The following PM20D2 variants were observed in gnomAD, a reference collection of about 807,000 sequenced individuals.
PM20D2 encodes xaa-Arg dipeptidase.
A neutral mutation model predicts 42.9 loss-of-function variants in PM20D2; 33 were observed. The observed-to-expected ratio is 0.77, with a 90% CI of 0.58 to 1.03. The LOEUF (loss-of-function observed/expected upper bound fraction) is 1.03, where lower values mean the gene tolerates loss of function less well. Among genes scored for constraint, PM20D2 ranks in the 50% least tolerant of loss-of-function variants. The pLI is 0.00. For synonymous variants in PM20D2, 250 were observed against 228.2 expected, an observed-to-expected ratio of 1.10 and a Z score of -0.86; for missense variants, 548 against 557.0, an observed-to-expected ratio of 0.98 and a Z score of 0.16.
chr6:89,128,973 C>A, the PM20D2 span, among the ~76,000 whole-genome samples: 1 of 152,072 alleles, frequency 6.6e-6, no homozygotes, highest in Admixed American at 6.6e-5. Context: ...CAAAAGAAAG[C>A]AATCAACAAT....
chr6:89,136,711 A>G, the PM20D2 span, among the ~76,000 whole-genome samples: 3 of 151,146 alleles, frequency 2.0e-5, no homozygotes, highest in Non-Finnish European at 2.9e-5. Context: ...TACACTATAT[A>G]TACCTTTATA....
chr6:89,121,469 G>A, the PM20D2 span, among the ~76,000 whole-genome samples: 1 of 152,042 alleles, frequency 6.6e-6, no homozygotes, highest in South Asian at 2.1e-4. Flanking sequence ...TCTTCCCTTT[G>A]GCAGATTAGG....
At chr6:89,103,556 T>C in the PM20D2 span, among the ~76,000 whole-genome samples, 13 of 152,128 alleles carry the variant, frequency 8.5e-5, no homozygotes, top group African/African-American at 3.1e-4. Context: ...CTCGAACTCC[T>C]GACCTCAGGT....
chr6:89,105,541 G>A, the PM20D2 span: 1 of 1,563,588 alleles, frequency 6.4e-7, no homozygotes, highest in Non-Finnish European at 8.7e-7. Flanking sequence ...ATGACTAGCT[G>A]TTAAGGACAC....
At chr6:89,115,930 C>T in the PM20D2 span, among the ~76,000 whole-genome samples, 20 of 152,084 alleles carry the variant, frequency 1.3e-4, no homozygotes. Context: ...CCACCGCACC[C>T]GGCCACGAAT....
At chr6:89,130,819 C>CTTTTTTTTTTT in the PM20D2 span, among the ~76,000 whole-genome samples, 31 of 24,052 alleles carry the variant, frequency 1.3e-3, 2 homozygotes, top group African/African-American at 2.4e-3. Context: ...GCTTCTTCTT[C>CTTTTTTTTTTT]TTTTTTTTTT....
Position 89,164,483 on chromosome 6 carries a change from G to A in PM20D2, c.*2220G>A, listed in dbSNP as rs998338527. On this transcript the variant is annotated 3_prime_UTR_variant, in exon 7 of 7. Coordinates refer to ENST00000275072, the MANE Select transcript of PM20D2 (RefSeq NM_001010853.3). Reference sequence around the variant, plus strand: ...AGGAAGATTGTTGTAACAGAAGAGTGACAACCAATAGTTTTTTGATCATTA... The same window carrying A: ...AGGAAGATTGTTGTAACAGAAGAGTAACAACCAATAGTTTTTTGATCATTA... 1 of 152,554 alleles carries A rather than the reference G, an allele frequency of 6.6e-6. No individual in the cohort carries two copies. The highest frequency in any genetic ancestry group is 2.1e-4 in the South Asian group (1 of 4,834). The allele number at this position is 152,554 out of a possible 1,614,324, so 9.5% of individuals were successfully genotyped here.
the PM20D2 span, chr6:89,105,714 A>G: frequency 2.5e-6 from 1 of 406,940 alleles, no homozygotes; most frequent in African/African-American, 2.1e-5. Flanking sequence ...CAAATGACCC[A>G]TTATGTTTAG....
the PM20D2 span, among the ~76,000 whole-genome samples, chr6:89,140,473 A>C: frequency 2.1e-5 from 3 of 143,448 alleles, no homozygotes; most frequent in African/African-American, 8.3e-5. Context: ...TACACAGTCG[A>C]GGTGAACACA....
the PM20D2 span, among the ~76,000 whole-genome samples, chr6:89,120,890 T>C: frequency 6.6e-6 from 1 of 152,056 alleles, no homozygotes; most frequent in Non-Finnish European, 1.5e-5. Flanking sequence ...AATAAATAAA[T>C]AAATTTATCT....
Position 89,162,627 on chromosome 6 carries a change from G to A in PM20D2, c.*364G>A, listed in dbSNP as rs1284495946. On this transcript the variant is annotated 3_prime_UTR_variant, in exon 7 of 7. Coordinates refer to ENST00000275072, the MANE Select transcript of PM20D2 (RefSeq NM_001010853.3). ...TTTTTGTAAGCCTTAAATGTTATGT[G>A]TATTTTTAAAAGCTTAAGAGATTTC... The A allele has an allele frequency of 6.1e-6, 1 of 163,924 alleles. No individual in the cohort carries two copies. The highest frequency in any genetic ancestry group is 1.3e-5 in the Non-Finnish European group (1 of 75,772). The allele number at this position is 163,924 out of a possible 1,614,324, so 10.2% of individuals were successfully genotyped here.
Position 89,164,988 on chromosome 6 carries a change from T to TGGTA in PM20D2, c.*2726_*2729dup, listed in dbSNP as rs984019361. 2.0e-5 allele frequency: 3 copies of TGGTA among 148,394 alleles called. No homozygotes were observed. The highest frequency in any genetic ancestry group is 7.5e-5 in the African/African-American group (3 of 40,074). 9.2% of individuals were successfully genotyped at this position (148,394 alleles called of 1,614,324 possible). ...CATGCCCCAGAAAGCTTGTGGTGGG[T>TGGTA]GGTAAGTTCTCACGAGATTTATTTA... is the stretch of plus-strand genomic sequence containing the variant. On this transcript the variant is annotated 3_prime_UTR_variant, in exon 7 of 7. Coordinates refer to ENST00000275072, the MANE Select transcript of PM20D2 (RefSeq NM_001010853.3).
chr6:89,107,010 T>C, the PM20D2 span: 1 of 867,994 alleles, frequency 1.2e-6, no homozygotes, highest in Non-Finnish European at 1.9e-6. Context: ...CCAGCTACTG[T>C]GGACTGCTTT....
chr6:89,124,115 C>G, the PM20D2 span, among the ~76,000 whole-genome samples: 1 of 152,184 alleles, frequency 6.6e-6, no homozygotes, highest in South Asian at 2.1e-4. Context: ...AGCCTGCTCT[C>G]TCTTATAAAA....
the PM20D2 span, among the ~76,000 whole-genome samples, chr6:89,101,154 T>G: frequency 1.3e-5 from 2 of 148,598 alleles, no homozygotes; most frequent in South Asian, 4.3e-4. Context: ...AAAAGATCAT[T>G]AGAAAAACAT....
At chr6:89,125,349 A>C in the PM20D2 span, among the ~76,000 whole-genome samples, 2 of 152,044 alleles carry the variant, frequency 1.3e-5, no homozygotes, top group African/African-American at 4.8e-5. Context: ...GTGTGGTGGC[A>C]GGCGCCTGTA....
chr6:89,139,245 T>C, the PM20D2 span, among the ~76,000 whole-genome samples: 1 of 11,142 alleles, frequency 9.0e-5, no homozygotes, highest in Admixed American at 6.1e-4. Context: ...GTTTTTAAAT[T>C]TTTTTTGTGT....
the PM20D2 span, among the ~76,000 whole-genome samples, chr6:89,108,154 T>C: frequency 1.2e-4 from 19 of 152,190 alleles, no homozygotes; most frequent in Non-Finnish European, 2.4e-4. Flanking sequence ...TCTAGTGCGA[T>C]TAGGTGCTTC....
In PM20D2 at chr6:89,146,434, G is replaced by A; in HGVS notation, c.290G>A (p.Arg97Gln). The change falls in exon 1 of 7, where the codon CGG becomes CAG. Residue 97 changes from arginine to glutamine, a missense_variant. Physicochemically the swap from Arg to Gln is conservative, Grantham distance 43. This residue lies in a region of PM20D2 where 470 missense variants were observed against 464.4 expected (regional missense o/e 1.01). Transcript: ENST00000275072. ...GCCGAGTGGGAGCCGCCGGAGGCCCGGGCACCGAGCGCCACGCCACGCCCG... is the reference window on the plus strand; with the variant it reads ...GCCGAGTGGGAGCCGCCGGAGGCCCAGGCACCGAGCGCCACGCCACGCCCG... ...FRAEWEPPEA[R>Q]APSATPRPLH... 1.3e-6 allele frequency: 2 copies of A among 1,523,888 alleles called. No individual in the cohort carries two copies. Among genetic ancestry groups the A allele is most frequent in the Admixed American group, 2.0e-5 (1 of 50,182 alleles). 94.4% of individuals were successfully genotyped at this position (1,523,888 alleles called of 1,614,324 possible). A position where few individuals can be genotyped will look rare whatever the true frequency, so the allele number is the denominator to read the frequency against.
Sources: gnomAD v4.1 joint callset for allele counts (sites outside exome capture counted in the v4.1 genomes callset) on GRCh38, gnomAD v4.1.1 for gene constraint, gnomAD v4.1.1 regional missense constraint, MANE v1.5 for transcripts, NCBI Gene and HGNC (gene_info 2026-07-23, HGNC 2026-07-21) for gene names.